Variants in DCC observed in about 807,000 individuals in gnomAD.
The protein encoded by DCC is netrin receptor DCC.
Under a neutral mutation model 172.5 loss-of-function variants are expected in DCC, and 58 were observed. That is an observed-to-expected ratio of 0.34 (90% CI 0.27 to 0.42). DCC has a LOEUF of 0.42. Among genes scored for constraint, DCC ranks in the 10% least tolerant of loss-of-function variants. The pLI is 1.00. For synonymous variants in DCC, 709 were observed against 644.5 expected, an observed-to-expected ratio of 1.10 and a Z score of -1.52; for missense variants, 1,740 against 1,791.0, an observed-to-expected ratio of 0.97 and a Z score of 0.51.
At chr18:52,576,249 A>G (rs1761503516) in intron 1 of DCC, among the ~76,000 whole-genome samples, 1 of 152,224 alleles carries the variant, frequency 6.6e-6, no homozygotes, top group Non-Finnish European at 1.5e-5. Context: ...CCGCAATCCA[A>G]CAACAAAGTG....
chr18:52,487,810 CAAAAAA>C (rs5824940), intron 1 of DCC, among the ~76,000 whole-genome samples: 4,255 of 74,326 alleles, frequency 0.057, 88 homozygotes, highest in Non-Finnish European at 0.071. Context: ...GACTCCACCT[CAAAAAA>C]AAAAAAAAAA....
chr18:52,624,080 T>C (rs1282030624), intron 1 of DCC, among the ~76,000 whole-genome samples: 1 of 152,162 alleles, frequency 6.6e-6, no homozygotes, highest in Non-Finnish European at 1.5e-5. Flanking sequence ...ATTTTTTCTG[T>C]AATGAAAGGA....
At chr18:52,952,884 G>A (rs2040675539) in intron 5 of DCC, among the ~76,000 whole-genome samples, 2 of 150,512 alleles carry the variant, frequency 1.3e-5, no homozygotes, top group South Asian at 4.2e-4. Flanking sequence ...TGTAGTCCCA[G>A]CTACTCAAGA....
rs529772947 is a variant in DCC at position 53,184,917 on chromosome 18, C to T, written c.1573+5801C>T. ...TCTGTCTAGCTCATTACTTTTGTCA[C>T]TTGATTTACAATGATTAACTGCACT... On this transcript the variant is annotated intron_variant, in intron 9 of 28. Coordinates refer to ENST00000442544, the MANE Select transcript of DCC (RefSeq NM_005215.4). Among the ~76,000 whole-genome samples, 4 of 152,238 alleles carry T rather than the reference C, an allele frequency of 2.6e-5. No individual in the cohort carries two copies. The South Asian group carries it at 8.3e-4, about 32-fold the overall frequency.
intron 11 of DCC, among the ~76,000 whole-genome samples, chr18:53,214,145 T>A (rs1464915170): frequency 2.0e-5 from 3 of 152,098 alleles, no homozygotes; most frequent in Non-Finnish European, 4.4e-5. Context: ...TAACATTTTA[T>A]AAATTGTGGA....
At chr18:53,098,523 T>G (rs1451143844) in intron 7 of DCC, among the ~76,000 whole-genome samples, 2 of 152,198 alleles carry the variant, frequency 1.3e-5, no homozygotes, top group African/African-American at 4.8e-5. Context: ...ATCCAGTGTT[T>G]CGTGATGATT....
chr18:53,264,292 G>T (rs933957889), intron 12 of DCC, among the ~76,000 whole-genome samples: 1 of 152,014 alleles, frequency 6.6e-6, no homozygotes, highest in African/African-American at 2.4e-5. Context: ...TTCAAGACCA[G>T]CCTGGCTAAC....
At chr18:52,856,968 G>A (rs894325717) in intron 2 of DCC, among the ~76,000 whole-genome samples, 1 of 152,190 alleles carries the variant, frequency 6.6e-6, no homozygotes, top group Admixed American at 6.5e-5. Context: ...GGCTATGAGT[G>A]TGGGTCTCAG....
chr18:53,346,555 T>A (rs920474899), intron 15 of DCC, among the ~76,000 whole-genome samples: 2 of 152,180 alleles, frequency 1.3e-5, no homozygotes, highest in African/African-American at 4.8e-5. Flanking sequence ...CTTCATTACC[T>A]CTATCTCATT....
intron 20 of DCC, 94 bp downstream of exon 20, chr18:53,410,740 T>G: frequency 1.2e-6 from 1 of 802,042 alleles, no homozygotes; most frequent in Non-Finnish European, 2.2e-6. Context: ...GCACCATCTC[T>G]ATTAGCAACA....
Position 52,750,545 on chromosome 18 carries a change from G to A in DCC, c.92-1509G>A, listed in dbSNP as rs183599004. 6.6e-5 allele frequency among the ~76,000 whole-genome samples: 10 copies of A among 152,290 alleles called. No homozygotes were observed. In the East Asian group the frequency reaches 1.9e-3, roughly 29 times the overall value. On this transcript the variant is annotated intron_variant, in intron 1 of 28. Coordinates refer to ENST00000442544, the MANE Select transcript of DCC (RefSeq NM_005215.4). The stretch of plus-strand genomic sequence containing the variant: ...TTCTGAGTGAGTGGCCAAGGTGAAA[G>A]GAATGAATATATGACAGTGAGCGAC...
chr18:53,267,969 T>C (rs2056701819), intron 12 of DCC, among the ~76,000 whole-genome samples: 1 of 152,184 alleles, frequency 6.6e-6, no homozygotes, highest in Non-Finnish European at 1.5e-5. Context: ...TTTGCAGTCA[T>C]AAAAAGTAAG....
chr18:52,775,200 G>C (rs190471549), intron 2 of DCC, among the ~76,000 whole-genome samples: 1 of 152,240 alleles, frequency 6.6e-6, no homozygotes, highest in African/African-American at 2.4e-5. Context: ...ATGGGGAGTG[G>C]CTCGTTTCTT....
chr18:52,948,312 ATGTG>A (rs10566106), intron 5 of DCC, among the ~76,000 whole-genome samples: 1,924 of 150,102 alleles, frequency 0.013, 40 homozygotes, highest in African/African-American at 0.044. Context: ...CACAGTGTTG[ATGTG>A]TGTGTGTGTG....
chr18:52,495,784 A>G (rs2030722868), intron 1 of DCC, among the ~76,000 whole-genome samples: 1 of 148,498 alleles, frequency 6.7e-6, no homozygotes, highest in African/African-American at 2.5e-5. Context: ...TTTTTTTAGC[A>G]ATTTGGAGTG....
At chr18:52,641,122 G>A (rs143977116) in intron 1 of DCC, among the ~76,000 whole-genome samples, 1,761 of 152,116 alleles carry the variant, frequency 0.012, 39 homozygotes, top group African/African-American at 0.04. Flanking sequence ...GGGAAGGGAC[G>A]CCCTTTTCAA....
At chr18:52,944,366 G>A (rs1472433006) in intron 5 of DCC, among the ~76,000 whole-genome samples, 1 of 152,152 alleles carries the variant, frequency 6.6e-6, no homozygotes, top group Non-Finnish European at 1.5e-5. Context: ...GTTAAAGGCA[G>A]GATCACTCAG....
chr18:52,876,247 G>T (rs898195065), intron 2 of DCC, among the ~76,000 whole-genome samples: 1 of 152,158 alleles, frequency 6.6e-6, no homozygotes, highest in African/African-American at 2.4e-5. Flanking sequence ...AGAGCCTAGA[G>T]AATCTATTGT....
intron 25 of DCC, among the ~76,000 whole-genome samples, chr18:53,469,735 A>G (rs1168827608): frequency 6.6e-6 from 1 of 152,078 alleles, no homozygotes; most frequent in African/African-American, 2.4e-5. Context: ...ATAACACTCA[A>G]TGCCACTTCC....
Sources: allele counts gnomAD v4.1 joint callset (sites outside exome capture counted in the v4.1 genomes callset), GRCh38; gene constraint gnomAD v4.1.1; transcripts MANE v1.5; gene names NCBI Gene and HGNC (gene_info 2026-07-23, HGNC 2026-07-21).